CYB5R4: variants seen among roughly 807,000 people sequenced by gnomAD.
CYB5R4 encodes N-terminal cytochrome b5 and cytochrome b5 oxidoreductase domain-containing protein.
A neutral mutation model predicts 70.2 loss-of-function variants in CYB5R4; 55 were observed. The observed-to-expected ratio is 0.78, with a 90% CI of 0.63 to 0.98. The LOEUF (loss-of-function observed/expected upper bound fraction) is 0.98. CYB5R4 is among the 50% of genes least tolerant of loss of function. The pLI, the probability that CYB5R4 is intolerant of heterozygous loss-of-function variation, is 0.00. For synonymous variants in CYB5R4, 197 were observed against 199.5 expected (o/e 0.99, Z 0.11); for missense variants, 562 against 612.6 (o/e 0.92, Z 0.87).
intron 2 of CYB5R4, among the ~76,000 whole-genome samples, chr6:83,872,399 C>T (rs774621044): frequency 2.0e-5 from 3 of 152,130 alleles, no homozygotes; most frequent in Non-Finnish European, 4.4e-5. Flanking sequence ...GGTACTGAAG[C>T]TTAGAGAATC....
chr6:83,895,716 C>T (rs1296634210), intron 3 of CYB5R4, among the ~76,000 whole-genome samples: 1 of 152,042 alleles, frequency 6.6e-6, no homozygotes, highest in Non-Finnish European at 1.5e-5. Context: ...GTTAAGTTTT[C>T]TAGTATTTAA....
chr6:83,905,899 G>C (rs899781410), intron 3 of CYB5R4, among the ~76,000 whole-genome samples: 35 of 152,148 alleles, frequency 2.3e-4, no homozygotes, highest in African/African-American at 8.2e-4. Context: ...GTGCAAGGAG[G>C]TGCTAGCTGT....
intron 3 of CYB5R4, among the ~76,000 whole-genome samples, chr6:83,899,154 A>G (rs565396537): frequency 6.6e-6 from 1 of 152,310 alleles, no homozygotes; most frequent in East Asian, 1.9e-4. Context: ...TACCTAATTT[A>G]TTGAGAGTTT....
intron 2 of CYB5R4, among the ~76,000 whole-genome samples, chr6:83,878,434 G>A (rs1447829459): frequency 6.6e-6 from 1 of 151,750 alleles, no homozygotes. Context: ...TGCAAGCTCC[G>A]CCTCCCGGGT....
At chr6:83,900,414 G>A (rs946304443) in intron 3 of CYB5R4, among the ~76,000 whole-genome samples, 6 of 152,102 alleles carry the variant, frequency 3.9e-5, no homozygotes, top group African/African-American at 7.2e-5. Flanking sequence ...GAATAAGTGC[G>A]GTGTGGTGCT....
intron 12 of CYB5R4, 119 bp from the exon 13 acceptor site, chr6:83,939,937 A>G: frequency 1.5e-6 from 1 of 649,740 alleles, no homozygotes; most frequent in South Asian, 2.1e-5. Context: ...AAGTATTTAT[A>G]CTGTTACTCC....
At chr6:83,938,263 A>T (rs989096059) in intron 12 of CYB5R4, among the ~76,000 whole-genome samples, 1 of 152,216 alleles carries the variant, frequency 6.6e-6, no homozygotes, top group Non-Finnish European at 1.5e-5. Flanking sequence ...AAGGAATGGT[A>T]TTATAGCCTA....
intron 2 of CYB5R4, among the ~76,000 whole-genome samples, chr6:83,875,827 A>G (rs2099458455): frequency 6.6e-6 from 1 of 152,202 alleles, no homozygotes; most frequent in South Asian, 2.1e-4. Context: ...TGTTCTCCAG[A>G]TATCAGGATA....
intron 3 of CYB5R4, among the ~76,000 whole-genome samples, chr6:83,899,985 T>C (rs1278832452): frequency 6.6e-6 from 1 of 152,164 alleles, no homozygotes; most frequent in Non-Finnish European, 1.5e-5. Flanking sequence ...GCTCTGATCT[T>C]AGTTATTTCT....
intron 9 of CYB5R4, 70 bp downstream of exon 9, chr6:83,922,540 A>G (rs558821651): frequency 5.7e-6 from 6 of 1,051,030 alleles, no homozygotes; most frequent in African/African-American, 1.6e-5. Flanking sequence ...GAGAGATACG[A>G]AAAAATTGAA....
Position 83,955,345 on chromosome 6 carries a change from G to T in CYB5R4, c.1394G>T (p.Gly465Val). The T allele has an allele frequency of 6.2e-7, 1 of 1,613,782 alleles. No homozygotes were observed. The highest frequency in any genetic ancestry group is 8.5e-7 in the Non-Finnish European group (1 of 1,179,836). Residue 465 changes from glycine (G) to valine (V), a missense_variant, in exon 15 of 16, where the codon GGC becomes GTC. Gly to Val is a moderately radical substitution (Grantham distance 109). Coordinates refer to ENST00000369681, the MANE Select transcript of CYB5R4 (RefSeq NM_016230.4). ...TCAGCACCTATTTCTGAATGGAATGGCAAACAGGGACATATTTCACCAGCT... is the reference window on the plus strand; with the variant it reads ...TCAGCACCTATTTCTGAATGGAATGTCAAACAGGGACATATTTCACCAGCT... The part of the protein sequence containing the change: ...VLSAPISEWN[G>V]KQGHISPALL...
At chr6:83,881,367 G>A (rs773414361) in intron 2 of CYB5R4, among the ~76,000 whole-genome samples, 21 of 152,120 alleles carry the variant, frequency 1.4e-4, no homozygotes, top group Non-Finnish European at 2.4e-4. Flanking sequence ...TAGAGATAGC[G>A]TCTTGCTTTG....
chr6:83,900,129 C>G (rs952303226), intron 3 of CYB5R4, among the ~76,000 whole-genome samples: 1 of 152,182 alleles, frequency 6.6e-6, no homozygotes, highest in African/African-American at 2.4e-5. Context: ...CCTCTACACA[C>G]TGCTTTGAAT....
intron 14 of CYB5R4, among the ~76,000 whole-genome samples, chr6:83,954,292 G>A (rs7742988): frequency 0.085 from 12,881 of 152,206 alleles, 873 homozygotes; most frequent in African/African-American, 0.19. Context: ...GAGATAAGCA[G>A]GATAACAGCC....
At chr6:83,952,801 C>T (rs1375111029) in intron 14 of CYB5R4, among the ~76,000 whole-genome samples, 1 of 145,264 alleles carries the variant, frequency 6.9e-6, no homozygotes, top group African/African-American at 2.4e-5. Flanking sequence ...GAAGAAGGCA[C>T]AGTGACACTC....
At chr6:83,933,715 C>A (rs1385033742) in intron 10 of CYB5R4, among the ~76,000 whole-genome samples, 1 of 151,936 alleles carries the variant, frequency 6.6e-6, no homozygotes, top group African/African-American at 2.4e-5. Flanking sequence ...TCTTCTAATC[C>A]AAATGGTATT....
At chr6:83,946,352 G>A (rs941503438) in intron 14 of CYB5R4, among the ~76,000 whole-genome samples, 8 of 152,186 alleles carry the variant, frequency 5.3e-5, no homozygotes, top group Non-Finnish European at 7.4e-5. Context: ...ATGCAGAAAA[G>A]GCCTTCAATA....
chr6:83,949,408 A>AT (rs1169910070), intron 14 of CYB5R4, among the ~76,000 whole-genome samples: 1 of 152,100 alleles, frequency 6.6e-6, no homozygotes, highest in African/African-American at 2.4e-5. Flanking sequence ...AAGGATCTTC[A>AT]TTTTCTAATA....
chr6:83,915,970 T>A (rs2099465450), intron 5 of CYB5R4, among the ~76,000 whole-genome samples: 1 of 152,000 alleles, frequency 6.6e-6, no homozygotes, highest in South Asian at 2.1e-4. Flanking sequence ...TACTTAATTA[T>A]TTTTTTTCAC....
Sources: gnomAD v4.1 joint callset for allele counts (sites outside exome capture counted in the v4.1 genomes callset) on GRCh38, gnomAD v4.1.1 for gene constraint, MANE v1.5 for transcripts, NCBI Gene and HGNC (gene_info 2026-07-23, HGNC 2026-07-21) for gene names.